Variants in ADCY7 observed in about 807,000 individuals in gnomAD.
ADCY7 encodes the protein adenylate cyclase 7, also known as adenylate cyclase type 7.
Under a neutral mutation model 120.6 loss-of-function variants are expected in ADCY7, and 72 were observed. That is an observed-to-expected ratio of 0.60 (90% CI 0.49 to 0.73). The LOEUF is 0.73. ADCY7 is among the 30% of genes least tolerant of loss of function. ADCY7 has a pLI of 0.00. For synonymous variants in ADCY7, 661 were observed against 628.0 expected (o/e 1.05, Z -0.78); for missense variants, 1,227 against 1,486.0 (o/e 0.83, Z 2.87).
Position 50,294,631 on chromosome 16 carries a change from C to CCAACCCCCCAAACACA in ADCY7, c.837-9_837-8insCAACCCCCCAAACACA. 1 of 1,545,266 alleles carries CCAACCCCCCAAACACA rather than the reference C, an allele frequency of 6.5e-7. No individual in the cohort carries two copies. The highest frequency in any genetic ancestry group is 8.9e-7 in the Non-Finnish European group (1 of 1,123,010). On this transcript the variant is annotated splice_polypyrimidine_tract_variant and intron_variant, in intron 6 of 25. Transcript: ENST00000673801. ...TCTGACACTCCCTCCCACCCTGCCC[C>CCAACCCCCCAAACACA]ATCCCCAGCATCCTCTATGCGGACA...
chr16:50,270,039 A>G (rs1299875435), intron 1 of ADCY7, among the ~76,000 whole-genome samples: 1 of 152,078 alleles, frequency 6.6e-6, no homozygotes, highest in Non-Finnish European at 1.5e-5. Context: ...AAAATTACAA[A>G]TATTAGCCAG....
rs779821438 is a variant in ADCY7, at chr16:50,300,891, A to T, written c.1235+18A>T. On this transcript the variant is annotated intron_variant, in intron 9 of 25. Coordinates refer to ENST00000673801, the MANE Select transcript of ADCY7 (RefSeq NM_001114.5). The stretch of plus-strand genomic sequence containing the variant: ...GTACCCGGGTGAGGCTGGGCTGGGT[A>T]GCCGCAGGGACAGAGGCCTGGGGCT... The T allele has an allele frequency of 1.3e-5, 20 of 1,552,882 alleles. No individual in the cohort carries two copies. The highest frequency in any genetic ancestry group is 1.7e-5 in the Non-Finnish European group (20 of 1,147,816).
At chr16:50,282,184 C>T (rs1484198389) in intron 1 of ADCY7, among the ~76,000 whole-genome samples, 10 of 152,288 alleles carry the variant, frequency 6.6e-5, no homozygotes, top group East Asian at 1.9e-4. Flanking sequence ...CAACAGTGGC[C>T]GGGTGAGGAA....
rs2036027488 is a variant in ADCY7, at chr16:50,305,833, A to G, written c.1736A>G (p.Lys579Arg). ...FYTFGSIFLE[K>R]GFEREYRLAP... ...ACCTTTGGGTCCATCTTCCTGGAGA[A>G]GGGCTTTGAGCGCGAGGTGAGGGCC... is the stretch of plus-strand genomic sequence containing the variant. Residue 579 changes from lysine to arginine, a missense_variant, in exon 14 of 26, where the codon AAG becomes AGG. Transcript: ENST00000673801. The G allele has an allele frequency of 1.2e-6, 2 of 1,613,830 alleles. No homozygotes were observed. Among genetic ancestry groups the G allele is most frequent in the Non-Finnish European group, 1.7e-6 (2 of 1,179,986 alleles).
rs79854236 is a variant in ADCY7 at position 50,304,527 on chromosome 16, C to T, written c.1536C>T (p.His512=). 20 of 1,567,336 alleles carry T rather than the reference C, an allele frequency of 1.3e-5. No individual in the cohort carries two copies. The highest frequency in any genetic ancestry group is 5.5e-5 in the African/African-American group (4 of 73,096). The stretch of plus-strand genomic sequence containing the variant: ...AGAGCGTGAGCAGTGGTGAGACCCA[C>T]GTCCCCAACGGGCGGAGGCCTAAGG... The part of the protein sequence containing the change: ...HRESVSSGET[H]VPNGRRPKSV... Residue 512 remains histidine, a synonymous_variant, in exon 11 of 26, where the codon CAC becomes CAT. Transcript: ENST00000673801.
intron 17 of ADCY7, 97 bp from the exon 18 acceptor site, chr16:50,309,451 C>T: frequency 1.0e-6 from 1 of 964,140 alleles, no homozygotes; most frequent in Non-Finnish European, 1.6e-6. Context: ...CCTCAGGCTG[C>T]TGTGATACTC....
intron 14 of ADCY7, among the ~76,000 whole-genome samples, chr16:50,306,644 T>G (rs2151056850): frequency 6.6e-6 from 1 of 152,212 alleles, no homozygotes; most frequent in Admixed American, 6.5e-5. Flanking sequence ...CCCCGGAAGC[T>G]CAGACTTGGC....
chr16:50,309,683 G>A, intron 18 of ADCY7, 37 bp downstream of exon 18: 1 of 1,567,822 alleles, frequency 6.4e-7, no homozygotes, highest in Non-Finnish European at 8.7e-7. Context: ...GCCTCATTCA[G>A]AGTGGGGCTG....
chr16:50,307,716 G>C (rs548362030), intron 15 of ADCY7, among the ~76,000 whole-genome samples: 1 of 152,310 alleles, frequency 6.6e-6, no homozygotes, highest in East Asian at 1.9e-4. Flanking sequence ...ATAATAGGGA[G>C]GCTGTGCGTG....
Position 50,301,218 on chromosome 16 carries a change from C to T in ADCY7, c.1368+4C>T, listed in dbSNP as rs375351564. 1.3e-5 allele frequency: 20 copies of T among 1,582,400 alleles called. 1 individual carries two copies. The highest frequency in any genetic ancestry group is 6.9e-5 in the South Asian group (6 of 87,256). ...CTACCTGGTCATCGACCCCCGGGTA[C>T]GAGGGCTCAGAGGCCGCAGCTGGGG... On this transcript the variant is annotated splice_donor_region_variant and intron_variant, in intron 10 of 25. Coordinates refer to ENST00000673801, the MANE Select transcript of ADCY7 (RefSeq NM_001114.5).
chr16:50,253,168 T>C (rs11648854), intron 1 of ADCY7, among the ~76,000 whole-genome samples: 11,435 of 152,298 alleles, frequency 0.075, 572 homozygotes, highest in Middle Eastern at 0.17. Context: ...GTTAGAGAGC[T>C]GCACTAAACA....
intron 1 of ADCY7, among the ~76,000 whole-genome samples, chr16:50,259,432 A>G (rs887067798): frequency 6.6e-6 from 1 of 152,170 alleles, no homozygotes; most frequent in African/African-American, 2.4e-5. Flanking sequence ...TTTCAAAGGA[A>G]ATAAGGGCTT....
In ADCY7 at chr16:50,305,610, C is replaced by T. The variant is rs573003651; in HGVS notation, c.1679+24C>T. On this transcript the variant is annotated intron_variant, in intron 13 of 25. Coordinates refer to ENST00000673801, the MANE Select transcript of ADCY7 (RefSeq NM_001114.5). ...AGGTGAGGTCTGAGACCTCTGTCCA[C>T]CCCCCTCTCCTCTCCCCCTCGGATA... 21 of 1,571,808 alleles carry T rather than the reference C, an allele frequency of 1.3e-5. No homozygotes were observed. In the South Asian group the frequency reaches 2.1e-4, roughly 16 times the overall value.
intron 16 of ADCY7, 51 bp from the exon 17 acceptor site, chr16:50,308,616 C>G: frequency 6.3e-7 from 1 of 1,579,562 alleles, no homozygotes; most frequent in Non-Finnish European, 8.6e-7. Context: ...GCGACCAGCC[C>G]TCCTTGCCCA....
intron 1 of ADCY7, among the ~76,000 whole-genome samples, chr16:50,279,275 C>T (rs1397312724): frequency 3.9e-5 from 6 of 152,222 alleles, no homozygotes; most frequent in African/African-American, 1.4e-4. Context: ...TCAGCCAGCA[C>T]CCTCTTGTCC....
intron 2 of ADCY7, among the ~76,000 whole-genome samples, chr16:50,289,900 A>G (rs1180938330): frequency 6.6e-6 from 1 of 152,232 alleles, no homozygotes; most frequent in African/African-American, 2.4e-5. Context: ...GTGGCTACCA[A>G]CCACAGGATG....
chr16:50,314,341 T>A lies in ADCY7; in HGVS notation c.2906T>A (p.Ile969Asn), dbSNP rs2036667184. ...ATTGGTGTCATGGTGGAGTTCAGCATCGCCCTGATGAGTAAGCTGGACGGC... is the reference window on the plus strand; with the variant it reads ...ATTGGTGTCATGGTGGAGTTCAGCAACGCCCTGATGAGTAAGCTGGACGGC... ...AHIGVMVEFS[I>N]ALMSKLDGIN... The change falls in exon 24 of 26, where the codon ATC (isoleucine) becomes AAC (asparagine). Residue 969 changes from isoleucine (I) to asparagine (N), a missense_variant. This residue lies in a region of ADCY7 where 244 missense variants were observed against 332.8 expected (regional missense o/e 0.73). Transcript: ENST00000673801. 1.2e-6 allele frequency: 2 copies of A among 1,614,148 alleles called. No homozygotes were observed. Among genetic ancestry groups the A allele is most frequent in the Middle Eastern group, 1.6e-4 (1 of 6,062 alleles).
At chr16:50,311,025 C>T (rs531752913) in intron 19 of ADCY7, 145 bp downstream of exon 19, 112 of 859,266 alleles carry the variant, frequency 1.3e-4, no homozygotes, top group Admixed American at 8.6e-4. Flanking sequence ...CGCTCAGAGC[C>T]GAGGAATTCA....
chr16:50,290,142 G>T (rs2034847028), intron 2 of ADCY7, among the ~76,000 whole-genome samples: 1 of 152,370 alleles, frequency 6.6e-6, no homozygotes, highest in Middle Eastern at 3.4e-3. Context: ...TGTGCTTGTG[G>T]TATCACCTGC....
Sources: gnomAD v4.1 joint callset for allele counts (sites outside exome capture counted in the v4.1 genomes callset) on GRCh38, gnomAD v4.1.1 for gene constraint, gnomAD v4.1.1 regional missense constraint, MANE v1.5 for transcripts, NCBI Gene and HGNC (gene_info 2026-07-23, HGNC 2026-07-21) for gene names.